CADM2: variants seen among roughly 807,000 people sequenced by gnomAD.
CADM2 encodes immunoglobulin superfamily member 4D.
Under a neutral mutation model 49.8 loss-of-function variants are expected in CADM2, and 12 were observed. That is an observed-to-expected ratio of 0.24 (90% CI 0.15 to 0.39). CADM2 has a LOEUF of 0.39. Ranked by LOEUF, CADM2 falls within the 10% of genes least tolerant of loss-of-function variation. The pLI, the probability that CADM2 is intolerant of heterozygous loss-of-function variation, is 1.00. For missense variants in CADM2, 378 were observed against 492.3 expected (o/e 0.77, Z 2.20); for synonymous variants, 214 against 175.4 (o/e 1.22, Z -1.74).
chr3:85,384,671 ATGTGTG>A (rs372405205), intron 1 of CADM2, among the ~76,000 whole-genome samples: 3 of 148,552 alleles, frequency 2.0e-5, no homozygotes, highest in Non-Finnish European at 3.0e-5. Flanking sequence ...GTCAAAAAAA[ATGTGTG>A]TGTGTGTGTG....
chr3:85,745,561 C>T (rs1010681073), intron 2 of CADM2, among the ~76,000 whole-genome samples: 2 of 151,920 alleles, frequency 1.3e-5, no homozygotes, highest in African/African-American at 4.8e-5. Flanking sequence ...TAAGATGTAA[C>T]TTTATATAAA....
chr3:85,634,076 G>T (rs1434457461), intron 1 of CADM2, among the ~76,000 whole-genome samples: 1 of 151,964 alleles, frequency 6.6e-6, no homozygotes, highest in Non-Finnish European at 1.5e-5. Flanking sequence ...AATCTTCCTT[G>T]CTTGCGACTG....
chr3:85,564,972 G>T (rs1237599345), intron 1 of CADM2, among the ~76,000 whole-genome samples: 1 of 152,068 alleles, frequency 6.6e-6, no homozygotes, highest in Non-Finnish European at 1.5e-5. Flanking sequence ...CGAAGCTTTA[G>T]ATATGCATAG....
At chr3:85,337,880 A>G (rs889834390) in intron 1 of CADM2, among the ~76,000 whole-genome samples, 3 of 151,574 alleles carry the variant, frequency 2.0e-5, no homozygotes, top group African/African-American at 4.8e-5. Context: ...TATGACATTC[A>G]TATACTCTCA....
intron 1 of CADM2, among the ~76,000 whole-genome samples, chr3:85,148,658 T>G (rs1475041479): frequency 1.3e-5 from 2 of 152,272 alleles, no homozygotes; most frequent in Non-Finnish European, 1.5e-5. Context: ...ACCCAAAGCT[T>G]AACTAGTAAT....
intron 1 of CADM2, among the ~76,000 whole-genome samples, chr3:85,720,964 G>T (rs1247139042): frequency 6.6e-6 from 1 of 152,098 alleles, no homozygotes; most frequent in African/African-American, 2.4e-5. Context: ...GATTAACATT[G>T]CTGTGTTATA....
intron 1 of CADM2, among the ~76,000 whole-genome samples, chr3:85,469,694 A>G (rs2038682122): frequency 1.3e-5 from 2 of 152,192 alleles, no homozygotes; most frequent in Admixed American, 6.5e-5. Context: ...ATAGGGTATC[A>G]TGCATTATCA....
intron 5 of CADM2, among the ~76,000 whole-genome samples, chr3:85,907,381 T>C (rs1716940895): frequency 6.6e-6 from 1 of 152,204 alleles, no homozygotes; most frequent in Non-Finnish European, 1.5e-5. Flanking sequence ...CATGCTGTTT[T>C]GCTCATGGTC....
At chr3:86,047,414 G>A (rs1428711001) in intron 8 of CADM2, among the ~76,000 whole-genome samples, 1 of 152,080 alleles carries the variant, frequency 6.6e-6, no homozygotes, top group Non-Finnish European at 1.5e-5. Context: ...AAATACACAT[G>A]GTAATTACAC....
At chr3:85,943,658 G>A (rs1460674930) in intron 7 of CADM2, among the ~76,000 whole-genome samples, 2 of 151,888 alleles carry the variant, frequency 1.3e-5, no homozygotes, top group African/African-American at 4.8e-5. Context: ...ATACTACAAG[G>A]CTACAGTACC....
intron 8 of CADM2, among the ~76,000 whole-genome samples, chr3:85,976,287 T>C (rs143116026): frequency 9.9e-5 from 15 of 151,688 alleles, no homozygotes; most frequent in African/African-American, 3.4e-4. Flanking sequence ...CAGGCAGAGC[T>C]CTTCTCTTGA....
chr3:85,728,673 T>A (rs2067807021), intron 2 of CADM2, among the ~76,000 whole-genome samples: 2 of 152,176 alleles, frequency 1.3e-5, no homozygotes, highest in African/African-American at 4.8e-5. Flanking sequence ...TAAAGAAGAT[T>A]ATATCTCATT....
intron 1 of CADM2, among the ~76,000 whole-genome samples, chr3:85,218,359 G>A (rs1377406887): frequency 6.6e-6 from 1 of 152,152 alleles, no homozygotes; most frequent in Non-Finnish European, 1.5e-5. Context: ...CCAAGCTATA[G>A]TGATGCAACA....
At chr3:85,491,290 A>G (rs1161844664) in intron 1 of CADM2, among the ~76,000 whole-genome samples, 1 of 152,184 alleles carries the variant, frequency 6.6e-6, no homozygotes, top group African/African-American at 2.4e-5. Context: ...AATCTGTGTC[A>G]TTTTATTTAG....
intron 1 of CADM2, among the ~76,000 whole-genome samples, chr3:85,182,427 C>A (rs1293333048): frequency 6.6e-6 from 1 of 152,020 alleles, no homozygotes. Context: ...AGGAATTTCA[C>A]CTTGTGGTAG....
chr3:85,315,537 T>G (rs551761758), intron 1 of CADM2, among the ~76,000 whole-genome samples: 1 of 152,294 alleles, frequency 6.6e-6, no homozygotes, highest in Non-Finnish European at 1.5e-5. Flanking sequence ...TGTAGCAAAT[T>G]GTTGAGGCTG....
chr3:85,782,425 T>G (rs1577300021), intron 2 of CADM2, among the ~76,000 whole-genome samples: 1 of 151,952 alleles, frequency 6.6e-6, no homozygotes, highest in African/African-American at 2.4e-5. Context: ...GCCTATAATC[T>G]CAGCACTTTG....
intron 1 of CADM2, among the ~76,000 whole-genome samples, chr3:85,696,173 T>C (rs975256209): frequency 1.3e-5 from 2 of 152,162 alleles, no homozygotes; most frequent in African/African-American, 4.8e-5. Flanking sequence ...TAGTCCTTGG[T>C]TGAATAAATA....
At chr3:85,996,125 T>C (rs775761733) in intron 8 of CADM2, among the ~76,000 whole-genome samples, 1 of 150,022 alleles carries the variant, frequency 6.7e-6, no homozygotes, top group Non-Finnish European at 1.5e-5. Context: ...AAAAATAAAA[T>C]AAAATATAAG....
Sources: gnomAD v4.1 joint callset for allele counts (sites outside exome capture counted in the v4.1 genomes callset) on GRCh38, gnomAD v4.1.1 for gene constraint, MANE v1.5 for transcripts, NCBI Gene and HGNC (gene_info 2026-07-23, HGNC 2026-07-21) for gene names.